GDF1: variants seen among roughly 807,000 people sequenced by gnomAD.
GDF1 encodes embryonic growth/differentiation factor 1.
Under a neutral mutation model 7.4 loss-of-function variants are expected in GDF1, and 8 were observed. That is an observed-to-expected ratio of 1.09 (90% CI 0.64 to 1.96). The LOEUF (loss-of-function observed/expected upper bound fraction) is 1.96. GDF1 is among the 30% of genes most tolerant of loss of function. The pLI, the probability that GDF1 is intolerant of heterozygous loss-of-function variation, is 0.00. For missense variants in GDF1, 574 were observed against 551.5 expected (o/e 1.04, Z -0.41); for synonymous variants, 311 against 276.7 (o/e 1.12, Z -1.23).
Position 18,895,799 on chromosome 19 carries a change from C to A in GDF1, c.-1074+25G>T, listed in dbSNP as rs2056610681. On this transcript the variant is annotated intron_variant, in intron 1 of 7. Coordinates refer to ENST00000247005, the MANE Select transcript of GDF1 (RefSeq NM_001492.6). The surrounding 1 kb of genome is among the most constrained non-coding windows in gnomAD (Gnocchi z 6.4). ...GGCTTCCCCCAGTCCGGGGTCCCCT[C>A]GTCCCGGCCCCCGGCCACACTGACC... 1.7e-6 allele frequency: 2 copies of A among 1,201,802 alleles called. No individual in the cohort carries two copies. The highest frequency in any genetic ancestry group is 3.7e-5 in the East Asian group (1 of 26,948). The allele number at this position is 1,201,802 out of a possible 1,614,324, so 74.4% of individuals were successfully genotyped here. A position where few individuals can be genotyped will look rare whatever the true frequency, so the allele number is the denominator to read the frequency against.
intron 6 of GDF1, among the ~76,000 whole-genome samples, chr19:18,873,656 T>C (rs945388292): frequency 6.6e-6 from 1 of 151,500 alleles, no homozygotes; most frequent in Non-Finnish European, 1.5e-5. Context: ...TGGGCCAACA[T>C]TGTGAAACCT....
At chr19:18,873,772 C>T (rs1442621436) in intron 6 of GDF1, among the ~76,000 whole-genome samples, 4 of 146,088 alleles carry the variant, frequency 2.7e-5, no homozygotes, top group Non-Finnish European at 6.0e-5. Context: ...ACCTGGAAGG[C>T]GGAGGTTGCA....
At chr19:18,889,383 G>C (rs1037005115) in intron 2 of GDF1, among the ~76,000 whole-genome samples, 2 of 152,012 alleles carry the variant, frequency 1.3e-5, no homozygotes, top group Admixed American at 1.3e-4. Context: ...CAGGATAGGG[G>C]GGAAGTCCTG....
At chr19:18,880,707 TTTTTC>T (rs1198721911) in intron 3 of GDF1, among the ~76,000 whole-genome samples, 1 of 151,784 alleles carries the variant, frequency 6.6e-6, no homozygotes, top group Non-Finnish European at 1.5e-5. Flanking sequence ...TGGAAGTTTA[TTTTTC>T]TTTTGAGACA....
At position 18,878,251 on chromosome 19, in the gene GDF1, C is replaced by T; in HGVS notation, c.-313+679G>A. On this transcript the variant is annotated intron_variant, in intron 6 of 7. Transcript: ENST00000247005. The surrounding 1 kb of genome is among the most constrained non-coding windows in gnomAD (Gnocchi z 4.6). ...CCTATGAGACACTGCACACCCGACT[C>T]TGCTTGTTACCCAGTTTGGCCTCCG... 1 of 985,892 alleles carries T rather than the reference C, an allele frequency of 1.0e-6. No homozygotes were observed. Among genetic ancestry groups the T allele is most frequent in the Non-Finnish European group, 1.2e-6 (1 of 830,292 alleles). The allele number at this position is 985,892 out of a possible 1,614,324, so 61.1% of individuals were successfully genotyped here. A position where few individuals can be genotyped will look rare whatever the true frequency, so the allele number is the denominator to read the frequency against.
rs1337494185 is a variant in GDF1 at position 18,895,883 on chromosome 19, C to CCAG, written c.-1136_-1134dup. 2 of 1,277,018 alleles carry CCAG rather than the reference C, an allele frequency of 1.6e-6. No homozygotes were observed. The highest frequency in any genetic ancestry group is 9.9e-7 in the Non-Finnish European group (1 of 1,012,056). The allele number at this position is 1,277,018 out of a possible 1,614,324, so 79.1% of individuals were successfully genotyped here. On this transcript the variant is annotated 5_prime_UTR_variant, in exon 1 of 8. Transcript: ENST00000247005. The surrounding 1 kb of genome is among the most constrained non-coding windows in gnomAD (Gnocchi z 6.4). ...GCGGTCCAGCCCAGCGCGCCGAGCGCCAGCAGCAGCAGCTCGGGCGGCGCC... is the reference window on the plus strand; with the variant it reads ...GCGGTCCAGCCCAGCGCGCCGAGCGCCAGCAGCAGCAGCAGCTCGGGCGGCGCC...
chr19:18,879,493 T>C lies in GDF1; in HGVS notation c.-570-105A>G. ...CCACCCTTGCCCCCTTATCCCATCC[T>C]TGCCCACCTCTGCCCACCTGTTTCT... On this transcript the variant is annotated intron_variant, in intron 4 of 7. Coordinates refer to ENST00000247005, the MANE Select transcript of GDF1 (RefSeq NM_001492.6). 3 of 1,356,882 alleles carry C rather than the reference T, an allele frequency of 2.2e-6. No individual in the cohort carries two copies. In the South Asian group the frequency reaches 4.2e-5, roughly 19 times the overall value. 84.1% of individuals were successfully genotyped at this position (1,356,882 alleles called of 1,614,324 possible). A position where few individuals can be genotyped will look rare whatever the true frequency, so the allele number is the denominator to read the frequency against.
At chr19:18,881,295 C>T (rs983767279) in intron 3 of GDF1, among the ~76,000 whole-genome samples, 6 of 151,678 alleles carry the variant, frequency 4.0e-5, no homozygotes, top group African/African-American at 1.5e-4. Context: ...TCTCAGCTCA[C>T]CGCAACCTCC....
intron 3 of GDF1, 49 bp downstream of exon 3, chr19:18,884,038 C>T: frequency 1.3e-6 from 2 of 1,577,964 alleles, no homozygotes; most frequent in Non-Finnish European, 1.7e-6. Context: ...AGCCTCCGCA[C>T]TCTGTGTGGG....
At position 18,869,063 on chromosome 19, in the gene GDF1, G is replaced by T. The variant is rs899464952; in HGVS notation, c.653C>A (p.Ala218Glu). ...SWPRSLRLAL[A>E]LRPRAPAACA... ...GGCGGCAGGGGCCCGGGGGCGTAGC[G>T]CCAGCGCCAGGCGGAGGCTGCGCGG... Residue 218 changes from alanine to glutamate, a missense_variant, in exon 8 of 8, where the codon GCG becomes GAG. Physicochemically the swap from Ala to Glu is moderately radical, Grantham distance 107. Transcript: ENST00000247005. The T allele has an allele frequency of 1.0e-5, 11 of 1,059,724 alleles. No individual in the cohort carries two copies. In the African/African-American group the frequency reaches 1.9e-4, roughly 18 times the overall value. The allele number at this position is 1,059,724 out of a possible 1,614,324, so 65.6% of individuals were successfully genotyped here.
intron 2 of GDF1, among the ~76,000 whole-genome samples, chr19:18,891,895 CT>C (rs78480061): frequency 3.3e-3 from 442 of 132,678 alleles, no homozygotes; most frequent in African/African-American, 4.9e-3. Flanking sequence ...TCATTCTCAT[CT>C]TTTTTTTTTT....
At chr19:18,884,865 C>T (rs2056312342) in intron 2 of GDF1, among the ~76,000 whole-genome samples, 1 of 151,594 alleles carries the variant, frequency 6.6e-6, no homozygotes, top group African/African-American at 2.4e-5. Context: ...AGGCGCTGGA[C>T]ACCATGCCCG....
At chr19:18,877,338 GCTCACTGTT>G (rs2056076584) in intron 6 of GDF1, among the ~76,000 whole-genome samples, 1 of 152,320 alleles carries the variant, frequency 6.6e-6, no homozygotes, top group Non-Finnish European at 1.5e-5. Flanking sequence ...CCCACCATGA[GCTCACTGTT>G]CTACAGCAAG....
At position 18,895,395 on chromosome 19, in the gene GDF1, T is replaced by C. The variant is rs898492655; in HGVS notation, c.-1074+429A>G. On this transcript the variant is annotated intron_variant, in intron 1 of 7. Coordinates refer to ENST00000247005, the MANE Select transcript of GDF1 (RefSeq NM_001492.6). The surrounding 1 kb of genome is among the most constrained non-coding windows in gnomAD (Gnocchi z 6.4). ...CGCCGAGCCCTCCCGTTCCCGGTCC[T>C]GGGCTTCTCAGTGTCTGGCTCGGCC... is the stretch of plus-strand genomic sequence containing the variant. 6.6e-6 allele frequency among the ~76,000 whole-genome samples: 1 copy of C among 152,054 alleles called. No homozygotes were observed. The highest frequency in any genetic ancestry group is 1.5e-5 in the Non-Finnish European group (1 of 67,984).
chr19:18,877,957 G>A (rs990060291), intron 6 of GDF1: 1 of 983,688 alleles, frequency 1.0e-6, no homozygotes, highest in Admixed American at 6.2e-5. Context: ...TACACCCAAG[G>A]CGAATCTGAT....
chr19:18,881,219 T>TA (rs1445370927), intron 3 of GDF1, among the ~76,000 whole-genome samples: 4 of 149,878 alleles, frequency 2.7e-5, no homozygotes, highest in Admixed American at 1.3e-4. Context: ...TTTTTTTTTT[T>TA]AATTTTTTTT....
Position 18,868,622 on chromosome 19 carries a change from A to C in GDF1, c.1094T>G (p.Val365Gly). The C allele has an allele frequency of 6.4e-7, 1 of 1,570,108 alleles. No homozygotes were observed. The highest frequency in any genetic ancestry group is 8.6e-7 in the Non-Finnish European group (1 of 1,157,854). The change falls in exon 8 of 8, where the codon GTG (valine) becomes GGG (glycine). Residue 365 changes from valine (V) to glycine (G), a missense_variant. By Grantham distance (109) the Val-to-Gly change is moderately radical (BLOSUM62 -3). Transcript: ENST00000247005. ...NVVLRQYEDM[V>G]VDECGCR ...TTAGCGGCAGCCGCACTCGTCCACC[A>C]CCATGTCCTCATACTGCCGCAGCAC...
At chr19:18,875,233 C>CT (rs1453093392) in intron 6 of GDF1, among the ~76,000 whole-genome samples, 1 of 140,846 alleles carries the variant, frequency 7.1e-6, no homozygotes, top group Non-Finnish European at 1.5e-5. Flanking sequence ...GGGACCGTCT[C>CT]TAAAAAAAAA....
chr19:18,885,511 GTTT>G (rs59793456), intron 2 of GDF1, among the ~76,000 whole-genome samples: 1 of 22,128 alleles, frequency 4.5e-5, no homozygotes, highest in Admixed American at 7.1e-4. Context: ...GCCCCTTCTC[GTTT>G]TTTTTTTTTT....
Sources: gnomAD v4.1 joint callset for allele counts (sites outside exome capture counted in the v4.1 genomes callset) on GRCh38, gnomAD v4.1.1 for gene constraint, Gnocchi (gnomAD v3.1) non-coding constraint, MANE v1.5 for transcripts, NCBI Gene and HGNC (gene_info 2026-07-23, HGNC 2026-07-21) for gene names.